KDM4C: variants seen among roughly 807,000 people sequenced by gnomAD.
KDM4C encodes lysine-specific demethylase 4C.
Under a neutral mutation model 129.3 loss-of-function variants are expected in KDM4C, and 81 were observed. The observed-to-expected ratio is 0.63, with a 90% CI of 0.52 to 0.75. The LOEUF is 0.75. KDM4C is among the 30% of genes least tolerant of loss of function. The probability of loss-of-function intolerance (pLI) is 0.00; values close to 1 mark genes in which losing one functional copy is unlikely to be tolerated. For synonymous variants in KDM4C, 573 were observed against 456.1 expected (o/e 1.26, Z -3.26); for missense variants, 1,457 against 1,304.0 (o/e 1.12, Z -1.81).
chr9:6,950,751 T>C (rs1195244881), intron 8 of KDM4C, among the ~76,000 whole-genome samples: 1 of 152,208 alleles, frequency 6.6e-6, no homozygotes, highest in Non-Finnish European at 1.5e-5. Flanking sequence ...AAGCATACTT[T>C]TTTATGGTTA....
rs79894326 is a variant in KDM4C, at chr9:6,828,539, G to A, written c.435+13794G>A. 9.4e-3 allele frequency among the ~76,000 whole-genome samples: 1,432 copies of A among 152,006 alleles called. 17 individuals are homozygous for A. The highest frequency in any genetic ancestry group is 0.032 in the African/African-American group (1,325 of 41,392). On this transcript the variant is annotated intron_variant, in intron 4 of 21. Transcript: ENST00000381309. ...GAAATACTGACCTTGGAATGTTCAC[G>A]TAGAGACCGTCTGATCTTCTGTCAG...
intron 4 of KDM4C, among the ~76,000 whole-genome samples, chr9:6,845,470 C>T (rs1414826704): frequency 2.0e-5 from 3 of 152,142 alleles, no homozygotes; most frequent in African/African-American, 4.8e-5. Context: ...CTTCCTTGGC[C>T]TCTGAAAGTA....
chr9:6,975,525 CTAAT>C (rs1416564427), intron 8 of KDM4C, among the ~76,000 whole-genome samples: 3 of 152,230 alleles, frequency 2.0e-5, no homozygotes, highest in South Asian at 4.1e-4. Context: ...TGACCTTGGA[CTAAT>C]TAATGTGAGT....
At chr9:6,879,860 T>C in intron 5 of KDM4C, 152 bp from the exon 6 acceptor site, 2 of 432,194 alleles carry the variant, frequency 4.6e-6, no homozygotes, top group Non-Finnish European at 8.3e-6. Context: ...GGAATATGAC[T>C]CTGTGATTGG....
rs1292089686 is a variant in KDM4C, at chr9:7,133,388, G to C, written c.2781+5152G>C. The stretch of plus-strand genomic sequence containing the variant: ...TATCATTCCCACTTGCTATAAGGTA[G>C]TCCCAGCATCTTTTAGACTTTATAA... On this transcript the variant is annotated intron_variant, in intron 19 of 21. Transcript: ENST00000381309. Among the ~76,000 whole-genome samples the C allele has an allele frequency of 3.3e-5, 5 of 152,134 alleles. No homozygotes were observed. In the East Asian group the frequency reaches 7.7e-4, roughly 23 times the overall value.
chr9:6,906,551 A>T (rs1049730507), intron 8 of KDM4C, among the ~76,000 whole-genome samples: 1 of 152,066 alleles, frequency 6.6e-6, no homozygotes, highest in Non-Finnish European at 1.5e-5. Context: ...AGGTGCTCCC[A>T]CCTCAGCCTC....
intron 4 of KDM4C, among the ~76,000 whole-genome samples, chr9:6,838,995 CT>C (rs1836397172): frequency 6.6e-6 from 1 of 152,172 alleles, no homozygotes; most frequent in Non-Finnish European, 1.5e-5. Context: ...CTTTAAAGAA[CT>C]AACCAAATTT....
At chr9:6,778,224 G>A (rs1188773622) in intron 1 of KDM4C, among the ~76,000 whole-genome samples, 9 of 151,488 alleles carry the variant, frequency 5.9e-5, no homozygotes. Flanking sequence ...TGAGTAGCTA[G>A]GATTACAGGC....
At chr9:6,797,230 T>C (rs954960883) in intron 2 of KDM4C, among the ~76,000 whole-genome samples, 7 of 152,058 alleles carry the variant, frequency 4.6e-5, no homozygotes, top group Non-Finnish European at 7.4e-5. Context: ...CAAGTGCTTC[T>C]CCCACCTTGG....
chr9:7,105,500 C>T (rs546612735), intron 18 of KDM4C: 16 of 469,860 alleles, frequency 3.4e-5, no homozygotes, highest in African/African-American at 1.6e-4. Context: ...AACTGGGCCA[C>T]GTGAGTAGTG....
intron 18 of KDM4C, among the ~76,000 whole-genome samples, chr9:7,117,783 G>C (rs192066079): frequency 6.6e-6 from 1 of 152,096 alleles, no homozygotes; most frequent in Admixed American, 6.6e-5. Flanking sequence ...AGCTTCTAGG[G>C]TCTAGCATCT....
At chr9:6,967,164 C>T (rs1352234199) in intron 8 of KDM4C, among the ~76,000 whole-genome samples, 1 of 152,198 alleles carries the variant, frequency 6.6e-6, no homozygotes, top group African/African-American at 2.4e-5. Context: ...TGGCTCACAC[C>T]TGTAATCCCA....
chr9:6,899,072 T>A (rs1816918879), intron 8 of KDM4C, among the ~76,000 whole-genome samples: 2 of 151,922 alleles, frequency 1.3e-5, no homozygotes, highest in Middle Eastern at 3.4e-3. Flanking sequence ...TTTTTTTTTT[T>A]ACCTCTACTT....
chr9:7,000,063 G>A lies in KDM4C; in HGVS notation c.1786+9539G>A, dbSNP rs1054462890. ...TAGGTCACAGCCAGTGTTTTCCTGCGTTATGTGGACACAAAACATTAGATG... is the reference window on the plus strand; with the variant it reads ...TAGGTCACAGCCAGTGTTTTCCTGCATTATGTGGACACAAAACATTAGATG... On this transcript the variant is annotated intron_variant, in intron 12 of 21. Coordinates refer to ENST00000381309, the MANE Select transcript of KDM4C (RefSeq NM_015061.6). Among the ~76,000 whole-genome samples, 9 of 152,236 alleles carry A rather than the reference G, an allele frequency of 5.9e-5. No homozygotes were observed. The East Asian group carries it at 1.7e-3, about 29-fold the overall frequency.
intron 8 of KDM4C, chr9:6,902,613 C>G (rs1817598097): frequency 1.3e-5 from 2 of 152,068 alleles, no homozygotes; most frequent in South Asian, 4.1e-4. Context: ...GTCCCTCTCC[C>G]CAAGTACATA....
intron 18 of KDM4C, among the ~76,000 whole-genome samples, chr9:7,109,367 C>T (rs898305221): frequency 6.0e-5 from 9 of 151,212 alleles, no homozygotes; most frequent in African/African-American, 2.2e-4. Flanking sequence ...AGTTCTGTTC[C>T]CAGATGGGGA....
intron 4 of KDM4C, among the ~76,000 whole-genome samples, chr9:6,830,745 G>C (rs1177324554): frequency 6.6e-6 from 1 of 152,176 alleles, no homozygotes; most frequent in East Asian, 1.9e-4. Context: ...GAGGCCACTG[G>C]AAGTACCTTA....
At chr9:6,986,074 A>G (rs1163941019) in intron 10 of KDM4C, among the ~76,000 whole-genome samples, 3 of 152,210 alleles carry the variant, frequency 2.0e-5, no homozygotes, top group Non-Finnish European at 2.9e-5. Flanking sequence ...CCTGAATTTC[A>G]TTAGTTCTGT....
At chr9:7,044,169 C>G (rs1038954894) in intron 15 of KDM4C, among the ~76,000 whole-genome samples, 4 of 151,954 alleles carry the variant, frequency 2.6e-5, no homozygotes, top group African/African-American at 9.7e-5. Flanking sequence ...ATAGAAGTAC[C>G]TGAGCCAGGG....
Sources: allele counts gnomAD v4.1 joint callset (sites outside exome capture counted in the v4.1 genomes callset), GRCh38; gene constraint gnomAD v4.1.1; transcripts MANE v1.5; gene names NCBI Gene and HGNC (gene_info 2026-07-23, HGNC 2026-07-21).